MTMR3: variants seen among roughly 807,000 people sequenced by gnomAD.
MTMR3 encodes myotubularin related protein 3.
In MTMR3, 32 loss-of-function variants were observed where a neutral mutation model predicts 132.4. The observed-to-expected ratio is 0.24, with a 90% CI of 0.18 to 0.32. MTMR3 has a LOEUF of 0.32. MTMR3 is among the 10% of genes least tolerant of loss of function. The pLI is 1.00. For missense variants in MTMR3, 1,216 were observed against 1,489.6 expected (o/e 0.82, Z 3.02); for synonymous variants, 556 against 550.3 (o/e 1.01, Z -0.14).
At position 30,007,524 on chromosome 22, in the gene MTMR3, GTGTT is replaced by G; in HGVS notation, c.877+210_877+213del. ...TTCAAACCTGAATCAAGATATTAGT[GTGTT>G]TGTTGTCTTTCTTGCCATTGTGACA... On this transcript the variant is annotated intron_variant, in intron 10 of 19. Coordinates refer to ENST00000401950, the MANE Select transcript of MTMR3 (RefSeq NM_021090.4). The G allele has an allele frequency of 2.9e-5, 18 of 616,046 alleles. No homozygotes were observed. The South Asian group carries it at 3.4e-4, about 12-fold the overall frequency. The allele number at this position is 616,046 out of a possible 1,614,324, so 38.2% of individuals were successfully genotyped here.
intron 1 of MTMR3, among the ~76,000 whole-genome samples, chr22:29,922,353 A>G (rs1181227883): frequency 2.6e-5 from 4 of 152,094 alleles, no homozygotes; most frequent in Non-Finnish European, 5.9e-5. Context: ...AAAATACTCC[A>G]TCGTGTGTAG....
chr22:29,963,305 A>G (rs1410321036), intron 2 of MTMR3, among the ~76,000 whole-genome samples: 1 of 151,404 alleles, frequency 6.6e-6, no homozygotes, highest in Non-Finnish European at 1.5e-5. Flanking sequence ...CTGGTCTCAA[A>G]CACCTGGGTA....
At position 29,938,695 on chromosome 22, in the gene MTMR3, A is replaced by C. The variant is rs556180136; in HGVS notation, c.-137-18341A>C. On this transcript the variant is annotated intron_variant, in intron 1 of 19. Coordinates refer to ENST00000401950, the MANE Select transcript of MTMR3 (RefSeq NM_021090.4). ...ATATAGAGATAAATTTTTCTTGGTC[A>C]TTAGAGTAAAGGTATATGCAAATTC... is the stretch of plus-strand genomic sequence containing the variant. Among the ~76,000 whole-genome samples the C allele has an allele frequency of 1.4e-4, 22 of 152,350 alleles. No individual in the cohort carries two copies. The East Asian group carries it at 1.5e-3, about 11-fold the overall frequency.
chr22:29,984,805 C>G (rs1033550453), intron 5 of MTMR3: 2 of 152,058 alleles, frequency 1.3e-5, no homozygotes, highest in African/African-American at 4.8e-5. Context: ...CTTGAAGATC[C>G]CTGGTGGAGA....
chr22:29,900,725 T>A (rs1602430263), intron 1 of MTMR3, among the ~76,000 whole-genome samples: 1 of 152,018 alleles, frequency 6.6e-6, no homozygotes, highest in Non-Finnish European at 1.5e-5. Context: ...TTAAAAAAAA[T>A]TTTTTTTGAG....
At chr22:29,955,090 A>G (rs965975922) in intron 1 of MTMR3, among the ~76,000 whole-genome samples, 1 of 152,142 alleles carries the variant, frequency 6.6e-6, no homozygotes, top group Non-Finnish European at 1.5e-5. Flanking sequence ...CCCGGGCCCA[A>G]GCCATCCTCC....
intron 1 of MTMR3, among the ~76,000 whole-genome samples, chr22:29,950,847 T>TC (rs1555903291): frequency 1.3e-5 from 2 of 152,224 alleles, no homozygotes; most frequent in African/African-American, 2.4e-5. Context: ...TATATCAGTA[T>TC]ATCTGAGTTA....
At chr22:29,964,019 CTG>C (rs1429484696) in intron 2 of MTMR3, among the ~76,000 whole-genome samples, 1 of 152,106 alleles carries the variant, frequency 6.6e-6, no homozygotes, top group African/African-American at 2.4e-5. Context: ...AATGGTAACT[CTG>C]TGTTTAATTG....
intron 1 of MTMR3, among the ~76,000 whole-genome samples, chr22:29,911,996 A>G (rs1315740220): frequency 6.6e-6 from 1 of 152,210 alleles, no homozygotes. Context: ...AGCTATGATA[A>G]ACATATAAAA....
chr22:29,925,767 T>C (rs892162665), intron 1 of MTMR3, among the ~76,000 whole-genome samples: 2 of 151,796 alleles, frequency 1.3e-5, no homozygotes, highest in Non-Finnish European at 2.9e-5. Context: ...CACAAAAAAA[T>C]AGCTGGGTGT....
At chr22:29,987,480 C>T (rs1466750137) in intron 5 of MTMR3, 1 of 152,212 alleles carries the variant, frequency 6.6e-6, no homozygotes, top group Non-Finnish European at 1.5e-5. Flanking sequence ...AGACTTGATA[C>T]ACTGTAAGAG....
At chr22:30,010,053 T>G (rs892863215) in intron 12 of MTMR3, 1 of 152,240 alleles carries the variant, frequency 6.6e-6, no homozygotes. Context: ...GCAGTGCCTT[T>G]GGGGAAAGCC....
At chr22:29,901,984 A>G (rs6006297) in intron 1 of MTMR3, among the ~76,000 whole-genome samples, 7,195 of 152,256 alleles carry the variant, frequency 0.047, 574 homozygotes, top group African/African-American at 0.16. Flanking sequence ...AGTTTTTGGT[A>G]ATTACAAATA....
At chr22:29,889,924 T>TC (rs2064760938) in intron 1 of MTMR3, among the ~76,000 whole-genome samples, 1 of 150,138 alleles carries the variant, frequency 6.7e-6, no homozygotes, top group South Asian at 2.1e-4. Context: ...TTTTTTTTTT[T>TC]GAGACAGAGT....
chr22:29,991,722 T>TG (rs763511131), intron 7 of MTMR3, 52 bp downstream of exon 7: 2 of 1,495,522 alleles, frequency 1.3e-6, no homozygotes, highest in South Asian at 2.7e-5. Context: ...AAGCTACTGA[T>TG]GGAGGTACTT....
At chr22:29,928,181 T>C (rs1000544261) in intron 1 of MTMR3, among the ~76,000 whole-genome samples, 31 of 149,746 alleles carry the variant, frequency 2.1e-4, no homozygotes, top group Non-Finnish European at 2.5e-4. Flanking sequence ...CTTTTTTTTT[T>C]TTTTTTTTTA....
intron 1 of MTMR3, among the ~76,000 whole-genome samples, chr22:29,945,082 C>T (rs1602530854): frequency 6.6e-6 from 1 of 152,040 alleles, no homozygotes; most frequent in Non-Finnish European, 1.5e-5. Context: ...GGATGATCAC[C>T]ACTCACTGCA....
intron 19 of MTMR3, chr22:30,023,384 TC>T: frequency 1.3e-6 from 2 of 1,499,068 alleles, no homozygotes; most frequent in Non-Finnish European, 1.9e-6. Context: ...GACATGTATC[TC>T]CCCACCCTGC....
chr22:30,002,831 C>A, intron 8 of MTMR3, 49 bp from the exon 9 acceptor site: 1 of 1,408,524 alleles, frequency 7.1e-7, no homozygotes, highest in Non-Finnish European at 1.0e-6. Context: ...CGTTTTCTCT[C>A]TCCCTCTCTT....
Sources: gnomAD v4.1 joint callset for allele counts (sites outside exome capture counted in the v4.1 genomes callset) on GRCh38, gnomAD v4.1.1 for gene constraint, MANE v1.5 for transcripts, NCBI Gene and HGNC (gene_info 2026-07-23, HGNC 2026-07-21) for gene names.